Variants in LMF1 observed in about 807,000 individuals in gnomAD.
LMF1 encodes lipase maturation factor 1, also known as transmembrane protein 112.
In LMF1, 68 loss-of-function variants were observed where a neutral mutation model predicts 60.6. That is an observed-to-expected ratio of 1.12 (90% CI 0.92 to 1.37). LMF1 has a LOEUF of 1.37. LMF1 is among the 40% of genes most tolerant of loss of function. The pLI, the probability that LMF1 is intolerant of heterozygous loss-of-function variation, is 0.00. For synonymous variants in LMF1, 418 were observed against 324.7 expected (o/e 1.29, Z -3.09); for missense variants, 948 against 767.2 (o/e 1.24, Z -2.78).
intron 1 of LMF1, chr16:979,135 A>G (rs1374700002): frequency 1.3e-5 from 6 of 451,006 alleles, no homozygotes; most frequent in African/African-American, 1.0e-4. Flanking sequence ...GTGCTTAATT[A>G]ATACCTGGTG....
intron 1 of LMF1, among the ~76,000 whole-genome samples, chr16:963,490 TAC>T (rs913597825): frequency 2.6e-5 from 4 of 152,064 alleles, no homozygotes; most frequent in Non-Finnish European, 5.9e-5. Context: ...CATGTCTCTG[TAC>T]ACGTGTGCAC....
At chr16:939,877 A>G (rs531536909) in intron 2 of LMF1, among the ~76,000 whole-genome samples, 2 of 152,272 alleles carry the variant, frequency 1.3e-5, no homozygotes, top group East Asian at 3.9e-4. Flanking sequence ...GGCTAAAAGG[A>G]GGCCCCCAGA....
chr16:971,037 C>T (rs558010793), upstream of LMF1: 18 of 1,360,450 alleles, frequency 1.3e-5, no homozygotes, highest in Non-Finnish European at 1.4e-5. Flanking sequence ...CCCGCCCATT[C>T]TCGGAGGCCC....
At chr16:921,207 C>T (rs1019238619) in intron 3 of LMF1, 9 of 152,258 alleles carry the variant, frequency 5.9e-5, no homozygotes, top group African/African-American at 2.2e-4. Flanking sequence ...ATAAGAAGTC[C>T]AGGTAAGTAG....
rs531696254 is a variant in LMF1, at chr16:878,213, G to A, written c.897+1357C>T. On this transcript the variant is annotated intron_variant, in intron 6 of 10. Coordinates refer to ENST00000262301, the MANE Select transcript of LMF1 (RefSeq NM_022773.4). The surrounding 1 kb of genome is among the most constrained non-coding windows in gnomAD (Gnocchi z 5.2). ...GCCCTGAGCAGCTGCAGAGAGAAAC[G>A]TGCGGTCCTGGCTGGGGGACGATCT... 3.3e-4 allele frequency among the ~76,000 whole-genome samples: 51 copies of A among 152,302 alleles called. No individual in the cohort carries two copies. Among genetic ancestry groups the A allele is most frequent in the African/African-American group, 1.0e-3 (43 of 41,558 alleles).
In LMF1 at chr16:854,396, G is replaced by A. The variant is rs550759182; in HGVS notation, c.*136C>T. The A allele has an allele frequency of 1.5e-5, 14 of 922,796 alleles. No homozygotes were observed. Among genetic ancestry groups the A allele is most frequent in the East Asian group, 7.9e-5 (3 of 37,992 alleles). 57.2% of individuals were successfully genotyped at this position (922,796 alleles called of 1,614,324 possible). ...ACAACAGACCCCACCCTGGACCCCC[G>A]TGCTGGGGGCTGGGTCCCACCGCTC... On this transcript the variant is annotated 3_prime_UTR_variant, in exon 11 of 11. Coordinates refer to ENST00000262301, the MANE Select transcript of LMF1 (RefSeq NM_022773.4).
chr16:875,279 G>A lies in LMF1; in HGVS notation c.898-3938C>T, dbSNP rs538578623. 9.2e-5 allele frequency among the ~76,000 whole-genome samples: 14 copies of A among 152,144 alleles called. 1 individual carries two copies. Among genetic ancestry groups the A allele is most frequent in the African/African-American group, 2.6e-4 (11 of 41,516 alleles). On this transcript the variant is annotated intron_variant, in intron 6 of 10. Coordinates refer to ENST00000262301, the MANE Select transcript of LMF1 (RefSeq NM_022773.4). The stretch of plus-strand genomic sequence containing the variant: ...CCCACCAGGCAGCGGACTCCAAAAC[G>A]GGGCCAGCACCGGCACTAAGGGAAC...
At chr16:914,782 T>A (rs887904192) in intron 3 of LMF1, among the ~76,000 whole-genome samples, 2 of 131,106 alleles carry the variant, frequency 1.5e-5, no homozygotes, top group African/African-American at 5.4e-5. Context: ...TCCCTTCCCA[T>A]GACCACTGGT....
At position 871,315 on chromosome 16, in the gene LMF1, G is replaced by A. The variant is rs368234358; in HGVS notation, c.924C>T (p.Leu308=). Residue 308 remains leucine (L), a synonymous_variant, in exon 7 of 11, where the codon CTC becomes CTT. Transcript: ENST00000262301. ...CCATAGTCAGCCAGTTCAGGAAGCTGAGGTTCCCGCTGACGATGAGGACGG... is the reference window on the plus strand; with the variant it reads ...CCATAGTCAGCCAGTTCAGGAAGCTAAGGTTCCCGCTGACGATGAGGACGG... ...FQAVLIVSGN[L]SFLNWLTMVP... is the part of the protein sequence containing the mutation. The A allele has an allele frequency of 4.3e-6, 7 of 1,612,350 alleles. No homozygotes were observed. The highest frequency in any genetic ancestry group is 4.0e-5 in the African/African-American group (3 of 74,942).
At chr16:957,598 T>C (rs1161354028) in intron 1 of LMF1, among the ~76,000 whole-genome samples, 1 of 151,184 alleles carries the variant, frequency 6.6e-6, no homozygotes, top group African/African-American at 2.5e-5. Flanking sequence ...AGAATATACA[T>C]GGGAGAGCAA....
upstream of LMF1, among the ~76,000 whole-genome samples, chr16:972,634 G>C (rs375180669): frequency 6.6e-6 from 1 of 152,206 alleles, no homozygotes; most frequent in East Asian, 1.9e-4. Flanking sequence ...ACTGCCCTGC[G>C]TCAGGTGTGG....
chr16:858,589 G>GAGTGGTGTCTCGGGACGGGTGTGC (rs2069293480), intron 10 of LMF1, among the ~76,000 whole-genome samples: 1 of 33,424 alleles, frequency 3.0e-5, no homozygotes, highest in African/African-American at 1.3e-4. Flanking sequence ...GGACGGGTGT[G>GAGTGGTGTCTCGGGACGGGTGTGC]AGTGGTGTCT....
intron 1 of LMF1, among the ~76,000 whole-genome samples, chr16:958,383 T>C (rs1157016933): frequency 1.3e-5 from 2 of 152,196 alleles, no homozygotes; most frequent in Non-Finnish European, 2.9e-5. Flanking sequence ...AAAGAACTTT[T>C]AAAATTCAAT....
At chr16:926,634 T>C (rs2071616073) in intron 3 of LMF1, among the ~76,000 whole-genome samples, 1 of 152,164 alleles carries the variant, frequency 6.6e-6, no homozygotes, top group South Asian at 2.1e-4. Flanking sequence ...CAAAGAAGAC[T>C]ACCCTAAAAA....
intron 10 of LMF1, among the ~76,000 whole-genome samples, chr16:862,959 G>A (rs549508005): frequency 4.6e-5 from 7 of 152,300 alleles, no homozygotes; most frequent in Non-Finnish European, 2.9e-5. Flanking sequence ...GAAACCATCT[G>A]AGCCTGGATA....
At chr16:862,661 C>A (rs1264298136) in intron 10 of LMF1, among the ~76,000 whole-genome samples, 1 of 151,830 alleles carries the variant, frequency 6.6e-6, no homozygotes, top group Non-Finnish European at 1.5e-5. Flanking sequence ...AGTTTGGGAC[C>A]AGCCAGGGCA....
intron 2 of LMF1, among the ~76,000 whole-genome samples, chr16:935,395 T>TGTTTTCAAC (rs2071910471): frequency 6.6e-6 from 1 of 152,158 alleles, no homozygotes; most frequent in African/African-American, 2.4e-5. Context: ...CCAGCCAGAA[T>TGTTTTCAAC]GTTTTCAACG....
At position 870,582 on chromosome 16, in the gene LMF1, ACGGCCTGTGCCTGGGT is replaced by A. The variant is rs1272626649; in HGVS notation, c.1232+131_1232+146del. 2.6e-5 allele frequency: 24 copies of A among 927,408 alleles called. No individual in the cohort carries two copies. The South Asian group carries it at 3.4e-4, about 13-fold the overall frequency. The allele number at this position is 927,408 out of a possible 1,614,324, so 57.4% of individuals were successfully genotyped here. ...GTCCAGGCCCGGTAGTGGGGACAGC[ACGGCCTGTGCCTGGGT>A]CAGGCTGGGGTGGGGCAGGGGACAC... On this transcript the variant is annotated intron_variant, in intron 8 of 10. Coordinates refer to ENST00000262301, the MANE Select transcript of LMF1 (RefSeq NM_022773.4).
At chr16:881,364 G>A (rs1288018633) in intron 5 of LMF1, 1 of 152,332 alleles carries the variant, frequency 6.6e-6, no homozygotes, top group African/African-American at 2.4e-5. Flanking sequence ...GCCGTGAGGT[G>A]GGTGTGGCAG....
Sources: allele counts gnomAD v4.1 joint callset (sites outside exome capture counted in the v4.1 genomes callset), GRCh38; gene constraint gnomAD v4.1.1; non-coding constraint Gnocchi (gnomAD v3.1); transcripts MANE v1.5; gene names NCBI Gene and HGNC (gene_info 2026-07-23, HGNC 2026-07-21).